Variants in NIN observed in about 807,000 individuals in gnomAD.
NIN encodes glycogen synthase kinase 3 beta-interacting protein.
NIN carries 137 observed loss-of-function variants against 257.6 expected under a neutral mutation model. The observed-to-expected ratio is 0.53, with a 90% CI of 0.46 to 0.61. NIN has a LOEUF of 0.61. NIN is among the 20% of genes least tolerant of loss of function. The probability of loss-of-function intolerance (pLI) is 0.00; values close to 1 mark genes in which losing one functional copy is unlikely to be tolerated. For missense variants in NIN, 2,439 were observed against 2,501.2 expected (o/e 0.98, Z 0.53); for synonymous variants, 918 against 919.8 (o/e 1.00, Z 0.04).
intron 5 of NIN, among the ~76,000 whole-genome samples, chr14:50,782,085 G>C (rs565255923): frequency 3.3e-5 from 5 of 151,738 alleles, no homozygotes; most frequent in African/African-American, 1.2e-4. Flanking sequence ...AAACCAAGAA[G>C]TCATTTTGTT....
At chr14:50,822,737 C>T (rs886484527) in intron 2 of NIN, among the ~76,000 whole-genome samples, 1 of 152,196 alleles carries the variant, frequency 6.6e-6, no homozygotes. Context: ...GCCTTTTACA[C>T]GAGTTCCTCA....
intron 14 of NIN, 132 bp downstream of exon 14, chr14:50,766,175 C>T: frequency 4.5e-6 from 3 of 667,394 alleles, no homozygotes; most frequent in South Asian, 1.8e-5. Flanking sequence ...TTATTTTTAC[C>T]ATTTTATGCA....
rs1374492128 is a variant in NIN, at chr14:50,760,346, T to G, written c.1910A>C (p.Glu637Ala). The G allele has an allele frequency of 1.2e-6, 2 of 1,604,338 alleles. No homozygotes were observed. Among genetic ancestry groups the G allele is most frequent in the Non-Finnish European group, 1.7e-6 (2 of 1,179,404 alleles). ...LELEDKVRHY[E>A]KQLDETVVSC... ...GACCACGGTTTCGTCCAGCTGCTTT[T>G]CATAATGGCGCACCTGAAGGCACAG... The change falls in exon 17 of 31, where the codon GAA becomes GCA. Residue 637 changes from glutamate (E) to alanine (A), a missense_variant. Coordinates refer to ENST00000530997, the MANE Select transcript of NIN (RefSeq NM_020921.4).
At chr14:50,807,938 TG>T (rs201360832) in intron 3 of NIN, among the ~76,000 whole-genome samples, 1,883 of 152,360 alleles carry the variant, frequency 0.012, 33 homozygotes, top group African/African-American at 0.043. Flanking sequence ...TTTGATTGAT[TG>T]GAATTACTTA....
chr14:50,821,816 G>A, intron 3 of NIN, 58 bp downstream of exon 3: 5 of 1,417,802 alleles, frequency 3.5e-6, no homozygotes, highest in Non-Finnish European at 3.9e-6. Flanking sequence ...CCCACCCCCA[G>A]CACCCCGGCA....
chr14:50,745,305 CA>C (rs1191485133), intron 22 of NIN, among the ~76,000 whole-genome samples: 1 of 152,050 alleles, frequency 6.6e-6, no homozygotes, highest in Non-Finnish European at 1.5e-5. Flanking sequence ...GTTGTGAAAA[CA>C]AAAAATGTGC....
At chr14:50,813,077 C>T (rs1334856880) in intron 3 of NIN, among the ~76,000 whole-genome samples, 1 of 152,160 alleles carries the variant, frequency 6.6e-6, no homozygotes, top group Non-Finnish European at 1.5e-5. Context: ...TCCATCAATG[C>T]TCATGAATAC....
intron 5 of NIN, among the ~76,000 whole-genome samples, chr14:50,790,784 A>T (rs1024662210): frequency 3.3e-5 from 5 of 152,266 alleles, no homozygotes; most frequent in Non-Finnish European, 7.3e-5. Context: ...CATAAGCCAC[A>T]AGATTTTGCC....
At chr14:50,736,083 G>C (rs1595719738) in intron 27 of NIN, among the ~76,000 whole-genome samples, 1 of 152,110 alleles carries the variant, frequency 6.6e-6, no homozygotes, top group Admixed American at 6.5e-5. Flanking sequence ...GCTTAAAATT[G>C]AGAGTACATA....
At chr14:50,824,074 G>C (rs1377835912) in intron 2 of NIN, among the ~76,000 whole-genome samples, 1 of 152,148 alleles carries the variant, frequency 6.6e-6, no homozygotes, top group African/African-American at 2.4e-5. Context: ...AGTCCCCTGG[G>C]CTGTTATCTG....
chr14:50,747,749 A>AG (rs1195638782), intron 22 of NIN, among the ~76,000 whole-genome samples: 129 of 127,216 alleles, frequency 1.0e-3, no homozygotes, highest in African/African-American at 1.4e-3. Context: ...AAAAAAAAAA[A>AG]AGGGGGGGAT....
intron 26 of NIN, among the ~76,000 whole-genome samples, chr14:50,738,756 T>C (rs2041127554): frequency 6.6e-6 from 1 of 152,224 alleles, no homozygotes. Context: ...GTTTCTGGCA[T>C]GGAGTAGGTG....
At position 50,755,648 on chromosome 14, in the gene NIN, C is replaced by CTTTTTTTTT. The variant is rs71118900; in HGVS notation, c.4539-790_4539-782dup. ...TAAATTTCCACTGTTTGTTTTGTCT[C>CTTTTTTTTT]TTTTTTTTTTTTTTTTTTTTTTTTT... is the stretch of plus-strand genomic sequence containing the variant. On this transcript the variant is annotated intron_variant, in intron 18 of 30. Coordinates refer to ENST00000530997, the MANE Select transcript of NIN (RefSeq NM_020921.4). 7.5e-5 allele frequency among the ~76,000 whole-genome samples: 6 copies of CTTTTTTTTT among 80,012 alleles called. No individual in the cohort carries two copies. The South Asian group carries it at 1.3e-3, about 17-fold the overall frequency. 52.5% of individuals were successfully genotyped at this position (80,012 alleles called of 152,430 possible).
At chr14:50,803,119 C>T (rs1246504244) in intron 4 of NIN, among the ~76,000 whole-genome samples, 1 of 152,048 alleles carries the variant, frequency 6.6e-6, no homozygotes, top group Non-Finnish European at 1.5e-5. Context: ...TTTGGGAGGC[C>T]GAGGCAGGTA....
chr14:50,756,604 C>G lies in NIN; in HGVS notation c.4426G>C (p.Val1476Leu). Residue 1476 changes from valine (V) to leucine (L), a missense_variant, in exon 18 of 31, where the codon GTT (valine) becomes CTT (leucine). Val to Leu is a conservative substitution (Grantham distance 32, BLOSUM62 1). Coordinates refer to ENST00000530997, the MANE Select transcript of NIN (RefSeq NM_020921.4). ...RKLKERVTIL[V>L]KQKDVLSHGE... is the part of the protein sequence containing the mutation. ...TGAGAAAGTACATCTTTTTGCTTAACTAAAATAGTGACTCTCTCCTTCAAC... is the reference window on the plus strand; with the variant it reads ...TGAGAAAGTACATCTTTTTGCTTAAGTAAAATAGTGACTCTCTCCTTCAAC... 1 of 1,588,592 alleles carries G rather than the reference C, an allele frequency of 6.3e-7. No individual in the cohort carries two copies. The highest frequency in any genetic ancestry group is 8.6e-7 in the Non-Finnish European group (1 of 1,165,276).
intron 27 of NIN, 146 bp downstream of exon 27, chr14:50,737,994 A>G (rs920736904): frequency 1.6e-5 from 13 of 807,350 alleles, no homozygotes; most frequent in African/African-American, 1.4e-4. Context: ...CCACGATGCT[A>G]TTTTGACAAG....
chr14:50,792,953 C>G lies in NIN; in HGVS notation c.266-72G>C, dbSNP rs539077910. The G allele has an allele frequency of 1.9e-5, 28 of 1,490,068 alleles. 1 individual carries two copies. The South Asian group carries it at 3.3e-4, about 17-fold the overall frequency. The allele number at this position is 1,490,068 out of a possible 1,614,324, so 92.3% of individuals were successfully genotyped here. On this transcript the variant is annotated intron_variant, in intron 4 of 30. Coordinates refer to ENST00000530997, the MANE Select transcript of NIN (RefSeq NM_020921.4). ...GTTCTTAGCTGCCACTCACAGCCAT[C>G]GGACACAGCCTCTTATACCAACCTC...
At chr14:50,729,373 G>A (rs989804167) in intron 29 of NIN, 150 bp downstream of exon 29, 31 of 676,218 alleles carry the variant, frequency 4.6e-5, no homozygotes, top group South Asian at 8.4e-5. Flanking sequence ...GGCCTCAAGC[G>A]ATCCTCCCGT....
At chr14:50,823,465 T>C (rs2045328153) in intron 2 of NIN, 2 of 302,130 alleles carry the variant, frequency 6.6e-6, no homozygotes, top group Admixed American at 4.9e-5. Context: ...AGCTAAGATG[T>C]TGAACACAGC....
Sources: gnomAD v4.1 joint callset for allele counts (sites outside exome capture counted in the v4.1 genomes callset) on GRCh38, gnomAD v4.1.1 for gene constraint, MANE v1.5 for transcripts, NCBI Gene and HGNC (gene_info 2026-07-23, HGNC 2026-07-21) for gene names.